The following SLC38A9 variants were observed in gnomAD, a reference collection of about 807,000 sequenced individuals.
SLC38A9 encodes the protein solute carrier family 38 member 9.
A neutral mutation model predicts 62.3 loss-of-function variants in SLC38A9; 48 were observed. The observed-to-expected ratio is 0.77, with a 90% CI of 0.61 to 0.98. SLC38A9 has a LOEUF of 0.98. Ranked by LOEUF, SLC38A9 falls within the 50% of genes least tolerant of loss-of-function variation. The probability of loss-of-function intolerance (pLI) is 0.00; values close to 1 mark genes in which losing one functional copy is unlikely to be tolerated. For synonymous variants in SLC38A9, 204 were observed against 227.7 expected (o/e 0.90, Z 0.94); for missense variants, 541 against 679.8 (o/e 0.80, Z 2.27).
intron 3 of SLC38A9, among the ~76,000 whole-genome samples, chr5:55,682,980 AGAGG>A (rs1018072552): frequency 1.4e-4 from 20 of 140,850 alleles, no homozygotes; most frequent in Non-Finnish European, 3.1e-4. Context: ...GAGGAGGAAA[AGAGG>A]GAGGGAGGGA....
At chr5:55,652,813 A>T in intron 9 of SLC38A9, 90 bp from the exon 10 acceptor site, 2 of 1,041,962 alleles carry the variant, frequency 1.9e-6, no homozygotes, top group Non-Finnish European at 2.7e-6. Context: ...CTAGAGACAG[A>T]CACTTGCTCT....
chr5:55,647,889 C>A (rs1746677430), intron 11 of SLC38A9, among the ~76,000 whole-genome samples: 1 of 152,160 alleles, frequency 6.6e-6, no homozygotes, highest in Non-Finnish European at 1.5e-5. Context: ...GTTGTACAAC[C>A]ATAACCACAG....
chr5:55,699,351 A>G (rs1756349583), intron 2 of SLC38A9, among the ~76,000 whole-genome samples: 1 of 152,260 alleles, frequency 6.6e-6, no homozygotes, highest in Non-Finnish European at 1.5e-5. Context: ...AGAATTTGCA[A>G]GGAACACTTA....
intron 10 of SLC38A9, among the ~76,000 whole-genome samples, chr5:55,651,450 A>G (rs758359900): frequency 1.3e-5 from 2 of 151,776 alleles, no homozygotes; most frequent in Admixed American, 6.6e-5. Flanking sequence ...GGGTTTCACC[A>G]TCTTGGCCAA....
chr5:55,640,261 C>T (rs1224383377), intron 12 of SLC38A9, among the ~76,000 whole-genome samples: 1 of 152,172 alleles, frequency 6.6e-6, no homozygotes, highest in African/African-American at 2.4e-5. Context: ...GCTGGAATTA[C>T]AGGTGTGAGC....
chr5:55,647,326 A>C lies in SLC38A9; in HGVS notation c.1061-1431T>G, dbSNP rs557018983. ...CAATTTCTGTTTTGACTGCTAATAGAAAGAAAAAAAATGATTTTATGTAGA... is the reference window on the plus strand; with the variant it reads ...CAATTTCTGTTTTGACTGCTAATAGCAAGAAAAAAAATGATTTTATGTAGA... On this transcript the variant is annotated intron_variant, in intron 11 of 15. Coordinates refer to ENST00000396865, the MANE Select transcript of SLC38A9 (RefSeq NM_173514.4). Among the ~76,000 whole-genome samples the C allele has an allele frequency of 2.6e-5, 4 of 152,302 alleles. No homozygotes were observed. The South Asian group carries it at 8.3e-4, about 32-fold the overall frequency.
At chr5:55,656,562 T>C (rs1033489583) in intron 9 of SLC38A9, among the ~76,000 whole-genome samples, 153 bp downstream of exon 9, 1 of 152,166 alleles carries the variant, frequency 6.6e-6, no homozygotes, top group Non-Finnish European at 1.5e-5. Flanking sequence ...TTCTTTTTTT[T>C]TTAAACACAC....
chr5:55,641,918 ATGT>A (rs971874806), intron 12 of SLC38A9, among the ~76,000 whole-genome samples: 16 of 152,254 alleles, frequency 1.1e-4, no homozygotes, highest in African/African-American at 3.6e-4. Flanking sequence ...ATTTGAACAA[ATGT>A]TGTTAGGAGG....
At chr5:55,658,094 C>T (rs967357933) in intron 8 of SLC38A9, 5 of 152,310 alleles carry the variant, frequency 3.3e-5, no homozygotes, top group Admixed American at 1.3e-4. Flanking sequence ...TTTGTAGATA[C>T]AATCAAGTTA....
Position 55,626,491 on chromosome 5 carries a change from A to G in SLC38A9, c.*3T>C. The G allele has an allele frequency of 1.2e-6, 2 of 1,610,020 alleles. No homozygotes were observed. The highest frequency in any genetic ancestry group is 1.7e-6 in the Non-Finnish European group (2 of 1,178,290). ...AGCTCTTGAAAAAAACAGTTGAGGT[A>G]TTTCACATAAAAAACTGAACAATCA... On this transcript the variant is annotated 3_prime_UTR_variant, in exon 16 of 16. Transcript: ENST00000396865.
At position 55,659,323 on chromosome 5, in the gene SLC38A9, G is replaced by A. The variant is rs916773992; in HGVS notation, c.698-2549C>T. Among the ~76,000 whole-genome samples the A allele has an allele frequency of 5.5e-5, 8 of 146,614 alleles. No homozygotes were observed. In the South Asian group the frequency reaches 6.4e-4, roughly 12 times the overall value. ...TGTGTACGTATATATAATTACATAC[G>A]TATATAAATATAAATGTATGTATAC... On this transcript the variant is annotated intron_variant, in intron 8 of 15. Coordinates refer to ENST00000396865, the MANE Select transcript of SLC38A9 (RefSeq NM_173514.4).
intron 11 of SLC38A9, among the ~76,000 whole-genome samples, chr5:55,646,230 G>T (rs1302769548): frequency 1.3e-5 from 2 of 152,130 alleles, no homozygotes; most frequent in African/African-American, 4.8e-5. Context: ...ACAAAAATTA[G>T]CGTGGTGGTG....
intron 13 of SLC38A9, 105 bp from the exon 14 acceptor site, chr5:55,634,007 T>C (rs1422112277): frequency 1.2e-6 from 1 of 808,360 alleles, no homozygotes; most frequent in African/African-American, 1.7e-5. Context: ...GCTACTCCGA[T>C]TGTGGTTTGT....
At chr5:55,626,710 T>G in intron 15 of SLC38A9, 51 bp from the exon 16 acceptor site, 1 of 1,506,830 alleles carries the variant, frequency 6.6e-7, no homozygotes. Context: ...CTTTGCTTTT[T>G]ACAATTAAGG....
chr5:55,687,383 C>T (rs1166996608), intron 3 of SLC38A9, among the ~76,000 whole-genome samples: 2 of 135,436 alleles, frequency 1.5e-5, no homozygotes, highest in African/African-American at 2.8e-5. Flanking sequence ...GCGGAGATCG[C>T]GCCACAGCAC....
intron 12 of SLC38A9, among the ~76,000 whole-genome samples, chr5:55,640,990 C>G (rs931694104): frequency 6.6e-6 from 1 of 152,124 alleles, no homozygotes; most frequent in Admixed American, 6.6e-5. Context: ...GCATGTGCCA[C>G]CACGCCCAGC....
At chr5:55,629,741 C>G (rs1743094920) in intron 14 of SLC38A9, among the ~76,000 whole-genome samples, 2 of 152,106 alleles carry the variant, frequency 1.3e-5, no homozygotes, top group Non-Finnish European at 2.9e-5. Context: ...AGGAAAACAA[C>G]TGGCAGTATT....
At chr5:55,681,730 C>T (rs1225705254) in intron 3 of SLC38A9, among the ~76,000 whole-genome samples, 1 of 152,180 alleles carries the variant, frequency 6.6e-6, no homozygotes, top group Non-Finnish European at 1.5e-5. Context: ...CACAGCAGTA[C>T]GAAGTACAAG....
chr5:55,639,070 C>T (rs1469307207), intron 12 of SLC38A9, among the ~76,000 whole-genome samples: 1 of 151,936 alleles, frequency 6.6e-6, no homozygotes, highest in Non-Finnish European at 1.5e-5. Flanking sequence ...GTAATCCCAA[C>T]ACTTTGGGAG....
Sources: allele counts gnomAD v4.1 joint callset (sites outside exome capture counted in the v4.1 genomes callset), GRCh38; gene constraint gnomAD v4.1.1; transcripts MANE v1.5; gene names NCBI Gene and HGNC (gene_info 2026-07-23, HGNC 2026-07-21).